LDLRAD3: variants seen among roughly 807,000 people sequenced by gnomAD.
LDLRAD3 encodes low-density lipoprotein receptor class A domain-containing protein 3.
In LDLRAD3, 20 loss-of-function variants were observed where a neutral mutation model predicts 29.4. That is an observed-to-expected ratio of 0.68 (90% CI 0.48 to 0.99). The LOEUF (loss-of-function observed/expected upper bound fraction) is 0.99. Ranked by LOEUF, LDLRAD3 falls within the 50% of genes least tolerant of loss-of-function variation. LDLRAD3 has a pLI of 0.00. For missense variants in LDLRAD3, 420 were observed against 454.3 expected (o/e 0.92, Z 0.69); for synonymous variants, 157 against 192.7 (o/e 0.81, Z 1.53).
chr11:36,161,669 G>A (rs755377362), intron 4 of LDLRAD3, among the ~76,000 whole-genome samples: 1 of 152,236 alleles, frequency 6.6e-6, no homozygotes, highest in Non-Finnish European at 1.5e-5. Flanking sequence ...ACAGAAGAGC[G>A]GTAAGATACA....
intron 1 of LDLRAD3, among the ~76,000 whole-genome samples, chr11:35,953,309 C>T (rs572202434): frequency 4.6e-5 from 7 of 152,284 alleles, no homozygotes; most frequent in African/African-American, 9.6e-5. Flanking sequence ...CTTGGGCATC[C>T]GGGTGCTGCA....
At chr11:36,133,394 TTTTG>T (rs1853956767) in intron 4 of LDLRAD3, among the ~76,000 whole-genome samples, 2 of 136,748 alleles carry the variant, frequency 1.5e-5, no homozygotes, top group Admixed American at 7.6e-5. Context: ...TTTTCTTTTC[TTTTG>T]GAAAAAACTG....
intron 1 of LDLRAD3, among the ~76,000 whole-genome samples, chr11:35,947,742 T>C (rs1777338770): frequency 1.3e-5 from 2 of 152,204 alleles, no homozygotes; most frequent in Admixed American, 6.5e-5. Flanking sequence ...GCCTAGATTC[T>C]AACTTAAGCT....
rs188000045 is a variant in LDLRAD3 at position 36,074,427 on chromosome 11, G to T, written c.194-7226G>T. 5.0e-4 allele frequency among the ~76,000 whole-genome samples: 76 copies of T among 152,162 alleles called. 1 individual carries two copies. The highest frequency in any genetic ancestry group is 8.2e-4 in the Non-Finnish European group (56 of 68,016). ...AGGAGTGAGCCATGCTGAGCCCTGG[G>T]AAAAAGACATTCCAGGCAGTGGGAA... is the stretch of plus-strand genomic sequence containing the variant. On this transcript the variant is annotated intron_variant, in intron 2 of 5. Coordinates refer to ENST00000315571, the MANE Select transcript of LDLRAD3 (RefSeq NM_174902.4).
chr11:35,976,168 G>A (rs1016641408), intron 1 of LDLRAD3, among the ~76,000 whole-genome samples: 9 of 152,096 alleles, frequency 5.9e-5, no homozygotes, highest in African/African-American at 1.9e-4. Context: ...GGATGGGGTG[G>A]GGTGATGTTG....
At chr11:36,202,135 C>T (rs566517482) in intron 4 of LDLRAD3, among the ~76,000 whole-genome samples, 6 of 151,450 alleles carry the variant, frequency 4.0e-5, no homozygotes, top group African/African-American at 1.2e-4. Context: ...ACCTCCACCT[C>T]CCAGGTTCAA....
At chr11:35,983,088 A>C (rs1851563589) in intron 1 of LDLRAD3, among the ~76,000 whole-genome samples, 1 of 151,904 alleles carries the variant, frequency 6.6e-6, no homozygotes, top group South Asian at 2.1e-4. Context: ...TCCTGACCTC[A>C]AGTGATCTAC....
intron 4 of LDLRAD3, among the ~76,000 whole-genome samples, chr11:36,216,733 T>C (rs1047728195): frequency 6.6e-6 from 1 of 152,186 alleles, no homozygotes; most frequent in South Asian, 2.1e-4. Flanking sequence ...ATCCAGTCGT[T>C]GTCACACCTG....
intron 2 of LDLRAD3, among the ~76,000 whole-genome samples, chr11:36,057,003 G>A (rs1490837329): frequency 6.6e-6 from 1 of 152,002 alleles, no homozygotes; most frequent in Non-Finnish European, 1.5e-5. Context: ...GGTGACTGTT[G>A]ATGCACTGGT....
intron 1 of LDLRAD3, among the ~76,000 whole-genome samples, chr11:36,018,760 C>G (rs765623369): frequency 7.9e-5 from 12 of 152,190 alleles, no homozygotes; most frequent in Non-Finnish European, 1.3e-4. Context: ...CAAGAGTACT[C>G]ATCTTTTCAA....
chr11:36,005,872 C>T lies in LDLRAD3; in HGVS notation c.47-30231C>T, dbSNP rs149764203. Among the ~76,000 whole-genome samples, 61 of 152,036 alleles carry T rather than the reference C, an allele frequency of 4.0e-4. No homozygotes were observed. In the South Asian group the frequency reaches 4.4e-3, roughly 11 times the overall value. On this transcript the variant is annotated intron_variant, in intron 1 of 5. Coordinates refer to ENST00000315571, the MANE Select transcript of LDLRAD3 (RefSeq NM_174902.4). ...ACATGGTGGCAGGAGAGAGAGAGCG[C>T]GAAGGGGGAAGTGCCACACATGTTT...
chr11:36,028,966 C>T (rs549803170), intron 1 of LDLRAD3, among the ~76,000 whole-genome samples: 3 of 152,186 alleles, frequency 2.0e-5, no homozygotes, highest in South Asian at 2.1e-4. Context: ...ACTGAAGGGC[C>T]GGGCGCAGTG....
chr11:35,952,140 T>C (rs942349953), intron 1 of LDLRAD3, among the ~76,000 whole-genome samples: 2 of 152,218 alleles, frequency 1.3e-5, no homozygotes, highest in Admixed American at 6.5e-5. Flanking sequence ...GTTTTATAGA[T>C]GAGGAAACTA....
intron 1 of LDLRAD3, among the ~76,000 whole-genome samples, chr11:35,963,501 C>T (rs749175040): frequency 2.0e-5 from 3 of 151,702 alleles, no homozygotes; most frequent in Non-Finnish European, 4.4e-5. Flanking sequence ...TTCAGGGAGA[C>T]TGATTTAAGA....
rs1484988559 is a variant in LDLRAD3 at position 35,944,198 on chromosome 11, G to C, written c.46+54G>C. 1.1e-6 allele frequency: 1 copy of C among 949,032 alleles called. No individual in the cohort carries two copies. The highest frequency in any genetic ancestry group is 1.3e-6 in the Non-Finnish European group (1 of 797,574). 58.8% of individuals were successfully genotyped at this position (949,032 alleles called of 1,614,324 possible). On this transcript the variant is annotated intron_variant, in intron 1 of 5. Coordinates refer to ENST00000315571, the MANE Select transcript of LDLRAD3 (RefSeq NM_174902.4). The surrounding 1 kb of genome is among the most constrained non-coding windows in gnomAD (Gnocchi z 4.9). ...CCGCGGGGCGCGGGGCGCGGGGCGC[G>C]GGGCGCAGCGGCCGGGTGCGATCGC...
intron 4 of LDLRAD3, among the ~76,000 whole-genome samples, chr11:36,106,944 C>T (rs1003970431): frequency 1.3e-5 from 2 of 152,162 alleles, no homozygotes. Context: ...AGAGATCTTC[C>T]TGGAGAAGAA....
chr11:36,178,802 CT>C (rs1854715299), intron 4 of LDLRAD3, among the ~76,000 whole-genome samples: 1 of 152,234 alleles, frequency 6.6e-6, no homozygotes, highest in South Asian at 2.1e-4. Context: ...CCTCCCATCC[CT>C]CCTGCCTTTG....
At chr11:36,038,673 A>G (rs953851146) in intron 2 of LDLRAD3, among the ~76,000 whole-genome samples, 3 of 152,170 alleles carry the variant, frequency 2.0e-5, no homozygotes, top group African/African-American at 7.2e-5. Flanking sequence ...AGCTGCCTGG[A>G]GCTGCTTGGT....
intron 4 of LDLRAD3, among the ~76,000 whole-genome samples, chr11:36,187,148 C>T (rs942669165): frequency 1.3e-5 from 2 of 152,112 alleles, no homozygotes; most frequent in Admixed American, 1.3e-4. Context: ...TTTCTCAGAT[C>T]CTAGGGTTTT....
Sources: gnomAD v4.1 joint callset for allele counts (sites outside exome capture counted in the v4.1 genomes callset) on GRCh38, gnomAD v4.1.1 for gene constraint, Gnocchi (gnomAD v3.1) non-coding constraint, MANE v1.5 for transcripts, NCBI Gene and HGNC (gene_info 2026-07-23, HGNC 2026-07-21) for gene names.